Variants in RHBDD1 observed in about 807,000 individuals in gnomAD.
RHBDD1 encodes the protein rhomboid-related protein 4.
Under a neutral mutation model 36.3 loss-of-function variants are expected in RHBDD1, and 38 were observed. The ratio of observed to expected loss-of-function variants is 1.05; its 90% CI spans 0.81 to 1.37. RHBDD1 has a LOEUF of 1.37. Among genes scored for constraint, RHBDD1 ranks in the 40% most tolerant of loss-of-function variants. RHBDD1 has a pLI of 0.00. For synonymous variants in RHBDD1, 151 were observed against 136.5 expected, an observed-to-expected ratio of 1.11 and a Z score of -0.74; for missense variants, 393 against 377.6, an observed-to-expected ratio of 1.04 and a Z score of -0.34.
intron 5 of RHBDD1, among the ~76,000 whole-genome samples, chr2:226,877,693 G>A (rs1945359662): frequency 6.6e-6 from 1 of 151,830 alleles, no homozygotes; most frequent in East Asian, 1.9e-4. Context: ...TTTTCCACAA[G>A]CATCTTTCTT....
intron 6 of RHBDD1, 108 bp downstream of exon 6, chr2:226,906,989 C>A: frequency 9.1e-7 from 1 of 1,098,056 alleles, no homozygotes. Flanking sequence ...CAAGAATTCC[C>A]TAATATGCCT....
At chr2:226,875,129 T>A (rs964217684) in intron 5 of RHBDD1, among the ~76,000 whole-genome samples, 25 of 152,236 alleles carry the variant, frequency 1.6e-4, no homozygotes, top group Admixed American at 6.5e-5. Context: ...AGGGGCTGTT[T>A]CTTGTTTACC....
chr2:226,902,986 T>C (rs984159787), intron 5 of RHBDD1, among the ~76,000 whole-genome samples: 1 of 152,246 alleles, frequency 6.6e-6, no homozygotes. Context: ...TTTTATATCA[T>C]ATATGCTTCA....
At chr2:226,980,622 C>T (rs756032692) in intron 8 of RHBDD1, among the ~76,000 whole-genome samples, 1 of 152,160 alleles carries the variant, frequency 6.6e-6, no homozygotes, top group Non-Finnish European at 1.5e-5. Flanking sequence ...TTAATTAAAT[C>T]TGTAGGGTTC....
chr2:226,890,479 T>C (rs1327195026), intron 5 of RHBDD1, among the ~76,000 whole-genome samples: 9 of 152,240 alleles, frequency 5.9e-5, no homozygotes, highest in African/African-American at 1.7e-4. Context: ...TGACTCTTAT[T>C]AGAATCATCA....
At chr2:226,905,994 A>G (rs1948026354) in intron 5 of RHBDD1, among the ~76,000 whole-genome samples, 1 of 151,534 alleles carries the variant, frequency 6.6e-6, no homozygotes, top group South Asian at 2.1e-4. Flanking sequence ...TGGTAACAGC[A>G]GAGGTTTTTG....
At chr2:226,800,219 T>C in the RHBDD1 span, 2 of 152,240 alleles carry the variant, frequency 1.3e-5, no homozygotes, top group African/African-American at 4.8e-5. Flanking sequence ...CTCTTACCTA[T>C]CAGGTAAGAC....
intron 5 of RHBDD1, among the ~76,000 whole-genome samples, chr2:226,893,788 A>G (rs1332511732): frequency 2.0e-5 from 3 of 152,104 alleles, no homozygotes; most frequent in Non-Finnish European, 2.9e-5. Context: ...GCAGGGGCCA[A>G]AGGTACTAGC....
At chr2:226,876,709 C>G (rs1466747504) in intron 5 of RHBDD1, among the ~76,000 whole-genome samples, 4 of 151,816 alleles carry the variant, frequency 2.6e-5, no homozygotes, top group Admixed American at 2.0e-4. Flanking sequence ...TTGAGGACCT[C>G]AAAGAGTTTT....
intron 3 of RHBDD1, among the ~76,000 whole-genome samples, chr2:226,857,998 C>G (rs1317582298): frequency 6.6e-6 from 1 of 152,100 alleles, no homozygotes; most frequent in East Asian, 1.9e-4. Context: ...GAATGCTAAG[C>G]TTGTGGGAGT....
At chr2:226,970,702 A>C (rs1953300352) in intron 8 of RHBDD1, among the ~76,000 whole-genome samples, 2 of 152,186 alleles carry the variant, frequency 1.3e-5, no homozygotes, top group African/African-American at 2.4e-5. Context: ...AATATTTTCC[A>C]ATGTACTTTT....
At chr2:226,854,152 C>T (rs1289856278) in intron 3 of RHBDD1, among the ~76,000 whole-genome samples, 2 of 152,148 alleles carry the variant, frequency 1.3e-5, no homozygotes, top group African/African-American at 4.8e-5. Context: ...TATTTAATAT[C>T]TGCTAATACT....
intron 8 of RHBDD1, among the ~76,000 whole-genome samples, chr2:226,977,386 C>G (rs1277627615): frequency 6.6e-6 from 1 of 152,148 alleles, no homozygotes; most frequent in African/African-American, 2.4e-5. Flanking sequence ...GGCTGGAATT[C>G]ATGAGAATGT....
At chr2:226,844,843 T>C (rs186664131) in intron 3 of RHBDD1, among the ~76,000 whole-genome samples, 5 of 152,314 alleles carry the variant, frequency 3.3e-5, no homozygotes, top group Non-Finnish European at 7.4e-5. Context: ...TGGGTCAGAA[T>C]TGGAGTTGGC....
chr2:226,866,554 G>A (rs1944363647), intron 4 of RHBDD1, among the ~76,000 whole-genome samples: 1 of 152,168 alleles, frequency 6.6e-6, no homozygotes, highest in Non-Finnish European at 1.5e-5. Context: ...TTAGCTGTGT[G>A]ATGCATTGTC....
At chr2:226,826,232 G>A in the RHBDD1 span, among the ~76,000 whole-genome samples, 1 of 152,080 alleles carries the variant, frequency 6.6e-6, no homozygotes, top group Non-Finnish European at 1.5e-5. Context: ...TAGAAATCAG[G>A]GAATGGCTGA....
rs541158611 is a variant in RHBDD1 at position 226,947,179 on chromosome 2, T to C, written c.856+32828T>C. Among the ~76,000 whole-genome samples the C allele has an allele frequency of 1.7e-3, 252 of 151,714 alleles. 3 individuals are homozygous for C. The highest frequency in any genetic ancestry group is 3.4e-3 in the Middle Eastern group (1 of 294). On this transcript the variant is annotated intron_variant, in intron 8 of 8. Coordinates refer to ENST00000392062, the MANE Select transcript of RHBDD1 (RefSeq NM_001167608.3). ...GTTTTGGACATGAAGTCCTTGCCCA[T>C]GCCTATGTCCTGAATGGTAATGCCT...
At chr2:226,819,926 T>C in the RHBDD1 span, among the ~76,000 whole-genome samples, 5 of 151,932 alleles carry the variant, frequency 3.3e-5, no homozygotes, top group South Asian at 2.1e-4. Context: ...TAAAAACCTG[T>C]TGGTAAAATA....
At chr2:226,840,969 C>T (rs1245976982) in intron 3 of RHBDD1, among the ~76,000 whole-genome samples, 1 of 151,762 alleles carries the variant, frequency 6.6e-6, no homozygotes, top group Non-Finnish European at 1.5e-5. Context: ...TTACTGATAC[C>T]AGCAATATTG....
Sources: gnomAD v4.1 joint callset for allele counts (sites outside exome capture counted in the v4.1 genomes callset) on GRCh38, gnomAD v4.1.1 for gene constraint, MANE v1.5 for transcripts, NCBI Gene and HGNC (gene_info 2026-07-23, HGNC 2026-07-21) for gene names.